KIF14: variants seen among roughly 807,000 people sequenced by gnomAD.
KIF14 encodes the protein kinesin-like protein KIF14.
A neutral mutation model predicts 176.2 loss-of-function variants in KIF14; 98 were observed. The observed-to-expected ratio is 0.56, with a 90% CI of 0.47 to 0.66. The LOEUF (loss-of-function observed/expected upper bound fraction) is 0.66. KIF14 is among the 30% of genes least tolerant of loss of function. The pLI, the probability that KIF14 is intolerant of heterozygous loss-of-function variation, is 0.00. For synonymous variants in KIF14, 566 were observed against 632.2 expected (o/e 0.90, Z 1.57); for missense variants, 1,751 against 1,920.4 (o/e 0.91, Z 1.65).
intron 25 of KIF14, 120 bp downstream of exon 25, chr1:200,564,949 A>C: frequency 1.3e-6 from 1 of 749,258 alleles, no homozygotes; most frequent in Admixed American, 2.9e-5. Flanking sequence ...TCAGAACTTC[A>C]AAACAGAATG....
chr1:200,605,292 G>A lies in KIF14; in HGVS notation c.1737C>T (p.Thr579=). The change falls in exon 8 of 30, where the codon ACC becomes ACT. Residue 579 remains threonine (T), a synonymous_variant. Transcript: ENST00000367350. ...RSHSVFTLVM[T]QTKTEFVEGE... is the part of the protein sequence containing the mutation. ...CTTTTAAAAAAAATACCTTGGTCTG[G>A]GTCATCACCAGGGTGAAAACTGAAT... is the stretch of plus-strand genomic sequence containing the variant. The A allele has an allele frequency of 1.2e-6, 2 of 1,610,792 alleles. No homozygotes were observed. Among genetic ancestry groups the A allele is most frequent in the Non-Finnish European group, 1.7e-6 (2 of 1,177,660 alleles).
chr1:200,611,854 C>T (rs933830193), intron 4 of KIF14, among the ~76,000 whole-genome samples: 4 of 152,170 alleles, frequency 2.6e-5, no homozygotes, highest in African/African-American at 9.7e-5. Flanking sequence ...TCACAACAAA[C>T]CTATGAGAAA....
intron 21 of KIF14, among the ~76,000 whole-genome samples, chr1:200,578,639 T>C (rs1304012616): frequency 6.6e-6 from 1 of 151,790 alleles, no homozygotes; most frequent in Non-Finnish European, 1.5e-5. Flanking sequence ...TCTGGAATAA[T>C]AGATGGATTC....
At chr1:200,599,865 C>G (rs1659538533) in intron 13 of KIF14, among the ~76,000 whole-genome samples, 185 bp downstream of exon 13, 1 of 152,184 alleles carries the variant, frequency 6.6e-6, no homozygotes, top group African/African-American at 2.4e-5. Flanking sequence ...TGGGCTGGCT[C>G]TAAGCAACCA....
chr1:200,600,599 T>C, intron 11 of KIF14, 96 bp from the exon 12 acceptor site: 1 of 828,962 alleles, frequency 1.2e-6, no homozygotes. Flanking sequence ...TCATTTGAAG[T>C]TTTAAATACA....
chr1:200,560,590 A>T, intron 26 of KIF14, 132 bp downstream of exon 26: 1 of 1,003,076 alleles, frequency 1.0e-6, no homozygotes, highest in Non-Finnish European at 1.5e-6. Context: ...TTTAAATCTT[A>T]TTGCAAAACT....
chr1:200,561,979 A>G (rs972476793), intron 25 of KIF14, among the ~76,000 whole-genome samples: 3 of 152,134 alleles, frequency 2.0e-5, no homozygotes, highest in Admixed American at 1.3e-4. Context: ...TCCCACATGC[A>G]CTCAGAGTAC....
At chr1:200,581,446 T>C (rs1160855087) in intron 19 of KIF14, 152 bp from the exon 20 acceptor site, 1 of 414,096 alleles carries the variant, frequency 2.4e-6, no homozygotes, top group Non-Finnish European at 4.3e-6. Flanking sequence ...TTGAGTAATT[T>C]GGTGAAATAA....
In KIF14 at chr1:200,565,485, G is replaced by C; in HGVS notation, c.3846C>G (p.Ser1282=). The C allele has an allele frequency of 6.2e-7, 1 of 1,606,506 alleles. No individual in the cohort carries two copies. Among genetic ancestry groups the C allele is most frequent in the Non-Finnish European group, 8.5e-7 (1 of 1,178,030 alleles). The part of the protein sequence containing the change: ...LKIYNGLFAI[S]KAHEEQDEES... ...CTTCATCTTGTTCTTCATGAGCCTTGGAAATGGCAAATAGCCCATTATAAA... is the reference window on the plus strand; with the variant it reads ...CTTCATCTTGTTCTTCATGAGCCTTCGAAATGGCAAATAGCCCATTATAAA... Residue 1282 remains serine, a synonymous_variant, in exon 24 of 30, where the codon TCC becomes TCG. Coordinates refer to ENST00000367350, the MANE Select transcript of KIF14 (RefSeq NM_014875.3).
At position 200,615,336 on chromosome 1, in the gene KIF14, C is replaced by T. The variant is rs780529022; in HGVS notation, c.1367+19G>A. 5 of 1,599,518 alleles carry T rather than the reference C, an allele frequency of 3.1e-6. No individual in the cohort carries two copies. The African/African-American group carries it at 5.4e-5, about 17-fold the overall frequency. The stretch of plus-strand genomic sequence containing the variant: ...ATATTTAAACACTTCTGGATAATTG[C>T]ATTTCCAATACAACTTACGTATATG... On this transcript the variant is annotated intron_variant, in intron 3 of 29. Transcript: ENST00000367350.
chr1:200,616,958 C>T (rs1373103880), intron 2 of KIF14, among the ~76,000 whole-genome samples: 1 of 151,976 alleles, frequency 6.6e-6, no homozygotes, highest in East Asian at 1.9e-4. Context: ...TTTAGGGAAC[C>T]AGTAATTTGT....
At chr1:200,608,983 T>C (rs1571560620) in intron 4 of KIF14, 55 bp from the exon 5 acceptor site, 1 of 1,027,024 alleles carries the variant, frequency 9.7e-7, no homozygotes, top group East Asian at 2.5e-5. Context: ...GCAAATCATA[T>C]CTGTGGTTAG....
chr1:200,600,563 T>G lies in KIF14; in HGVS notation c.2153-60A>C, dbSNP rs545103143. The G allele has an allele frequency of 3.4e-6, 4 of 1,179,116 alleles. No individual in the cohort carries two copies. The South Asian group carries it at 5.2e-5, about 15-fold the overall frequency. 73.0% of individuals were successfully genotyped at this position (1,179,116 alleles called of 1,614,324 possible). The stretch of plus-strand genomic sequence containing the variant: ...ATTTAATATATAACAATTTCCACAG[T>G]AAGCATAATCCTCCAATCTTCTATT... On this transcript the variant is annotated intron_variant, in intron 11 of 29. Coordinates refer to ENST00000367350, the MANE Select transcript of KIF14 (RefSeq NM_014875.3).
At chr1:200,589,503 A>T (rs1658931045) in intron 17 of KIF14, 134 bp from the exon 18 acceptor site, 1 of 658,490 alleles carries the variant, frequency 1.5e-6, no homozygotes, top group South Asian at 2.3e-5. Flanking sequence ...TCTCCACTTC[A>T]TTCAGGTTAA....
At chr1:200,561,832 T>C (rs1657175718) in intron 25 of KIF14, among the ~76,000 whole-genome samples, 2 of 152,178 alleles carry the variant, frequency 1.3e-5, no homozygotes. Flanking sequence ...CTCTTTTGCA[T>C]CTGAACTTTT....
intron 7 of KIF14, 99 bp downstream of exon 7, chr1:200,605,765 C>G: frequency 2.7e-6 from 2 of 730,282 alleles, no homozygotes; most frequent in Non-Finnish European, 4.4e-6. Context: ...AGGAAACTAA[C>G]CTTTTATTTG....
At position 200,593,773 on chromosome 1, in the gene KIF14, T is replaced by C; in HGVS notation, c.2550-4A>G. 3.2e-6 allele frequency: 5 copies of C among 1,549,356 alleles called. No individual in the cohort carries two copies. The highest frequency in any genetic ancestry group is 1.1e-5 in the South Asian group (1 of 89,604). ...CCCACCAAAATTTTTGATAGTACTG[T>C]TAAAATAAGAAGCACATAGTTAACA... On this transcript the variant is annotated splice_polypyrimidine_tract_variant and splice_region_variant and intron_variant, in intron 14 of 29. Coordinates refer to ENST00000367350, the MANE Select transcript of KIF14 (RefSeq NM_014875.3).
intron 20 of KIF14, among the ~76,000 whole-genome samples, chr1:200,580,971 G>C (rs1437316443): frequency 6.6e-6 from 1 of 151,914 alleles, no homozygotes; most frequent in African/African-American, 2.4e-5. Flanking sequence ...TTAGCTGGGT[G>C]TGGTGGCGCA....
At chr1:200,571,801 C>A (rs1018541363) in intron 22 of KIF14, among the ~76,000 whole-genome samples, 1 of 152,134 alleles carries the variant, frequency 6.6e-6, no homozygotes, top group Admixed American at 6.5e-5. Context: ...ATTATTACAG[C>A]AAGTCTAAAC....
Sources: gnomAD v4.1 joint callset for allele counts (sites outside exome capture counted in the v4.1 genomes callset) on GRCh38, gnomAD v4.1.1 for gene constraint, MANE v1.5 for transcripts, NCBI Gene and HGNC (gene_info 2026-07-23, HGNC 2026-07-21) for gene names.